The following SYNJ1 variants were observed in gnomAD, a reference collection of about 807,000 sequenced individuals.
SYNJ1 encodes the protein polyphosphatidylinositol phosphatase SYNJ1.
In SYNJ1, 78 loss-of-function variants were observed where a neutral mutation model predicts 168.2. That is an observed-to-expected ratio of 0.46 (90% confidence interval 0.39 to 0.56). The LOEUF is 0.56. Ranked by LOEUF, SYNJ1 falls within the 20% of genes least tolerant of loss-of-function variation. The probability of loss-of-function intolerance (pLI) is 0.00; values close to 1 mark genes in which losing one functional copy is unlikely to be tolerated. For missense variants in SYNJ1, 1,303 were observed against 1,597.6 expected, an observed-to-expected ratio of 0.82 and a Z score of 3.14; for synonymous variants, 539 against 548.6, an observed-to-expected ratio of 0.98 and a Z score of 0.24.
In SYNJ1 at chr21:32,700,043, CT is replaced by C; in HGVS notation, c.273del (p.Glu92AsnfsTer32). ...GAAGTAACTCGGAAAACTTCAGATTCTTGAATTTTTCCAACAGACATACATC... is the reference window on the plus strand; with the variant it reads ...GAAGTAACTCGGAAAACTTCAGATTCTGAATTTTTCCAACAGACATACATC... ...VTGCMSVGKI[Q>X]ESEVFRVTST... On this transcript the variant is annotated frameshift_variant, in exon 4 of 33. Coordinates refer to ENST00000674351, the MANE Select transcript of SYNJ1 (RefSeq NM_203446.3). LOFTEE classifies it high-confidence loss of function. The C allele has an allele frequency of 6.2e-7, 1 of 1,614,142 alleles. No individual in the cohort carries two copies. The highest frequency in any genetic ancestry group is 8.5e-7 in the Non-Finnish European group (1 of 1,180,032).
intron 18 of SYNJ1, among the ~76,000 whole-genome samples, chr21:32,664,655 C>A (rs531001029): frequency 5.3e-5 from 8 of 152,052 alleles, no homozygotes; most frequent in Non-Finnish European, 7.3e-5. Context: ...TCGGGGAGCT[C>A]GGTTTTTGGA....
At chr21:32,713,589 T>C (rs377480065) in intron 2 of SYNJ1, among the ~76,000 whole-genome samples, 1 of 147,282 alleles carries the variant, frequency 6.8e-6, no homozygotes, top group East Asian at 2.0e-4. Flanking sequence ...TTCCCATATG[T>C]CAACATGGAT....
At chr21:32,683,968 CA>C in intron 10 of SYNJ1, 69 bp downstream of exon 10, 2 of 1,296,818 alleles carry the variant, frequency 1.5e-6, no homozygotes, top group East Asian at 4.7e-5. Context: ...TAATAAGAAA[CA>C]TAAGTATTCA....
intron 29 of SYNJ1, among the ~76,000 whole-genome samples, chr21:32,641,235 G>C (rs901549642): frequency 1.3e-5 from 2 of 152,124 alleles, no homozygotes; most frequent in East Asian, 3.8e-4. Context: ...GCTCCTACTG[G>C]ACTAGCCTAA....
chr21:32,716,185 A>G (rs771569215), intron 2 of SYNJ1, among the ~76,000 whole-genome samples: 1 of 152,246 alleles, frequency 6.6e-6, no homozygotes, highest in Non-Finnish European at 1.5e-5. Flanking sequence ...TACTCTAACA[A>G]GGCTAAACAA....
intron 2 of SYNJ1, among the ~76,000 whole-genome samples, chr21:32,702,978 G>T (rs2042464509): frequency 1.3e-5 from 2 of 152,238 alleles, no homozygotes; most frequent in South Asian, 4.1e-4. Context: ...TCAGCCTACT[G>T]CTTTGCCTAA....
At chr21:32,717,870 G>A (rs906677337) in intron 2 of SYNJ1, among the ~76,000 whole-genome samples, 1 of 152,120 alleles carries the variant, frequency 6.6e-6, no homozygotes, top group African/African-American at 2.4e-5. Context: ...TCCCTACTCA[G>A]GAATCCTGTC....
At chr21:32,688,562 C>A (rs1019978892) in intron 6 of SYNJ1, among the ~76,000 whole-genome samples, 195 bp from the exon 7 acceptor site, 2 of 151,922 alleles carry the variant, frequency 1.3e-5, no homozygotes, top group Non-Finnish European at 2.9e-5. Context: ...TTTTAAAAAA[C>A]CAACCTCATC....
At chr21:32,637,384 C>T (rs1474965014) in intron 31 of SYNJ1, among the ~76,000 whole-genome samples, 7 of 150,530 alleles carry the variant, frequency 4.7e-5, no homozygotes, top group East Asian at 1.9e-4. Flanking sequence ...TATATTTTCA[C>T]CATCCTCAAT....
Position 32,645,657 on chromosome 21 carries a change from G to GGAGGT in SYNJ1, c.3375_3379dup (p.Pro1127HisfsTer29). 6.5e-7 allele frequency: 1 copy of GGAGGT among 1,531,702 alleles called. No homozygotes were observed. The highest frequency in any genetic ancestry group is 8.7e-7 in the Non-Finnish European group (1 of 1,145,826). The allele number at this position is 1,531,702 out of a possible 1,614,324, so 94.9% of individuals were successfully genotyped here. Reference sequence around the variant, plus strand: ...TAAAAGGTTGTCACCTGAAGGCGGAGGAGGTCTCTGTGGGGGAGCCGGGCG... The same window carrying GGAGGT: ...TAAAAGGTTGTCACCTGAAGGCGGAGGAGGTGAGGTCTCTGTGGGGGAGCCGGGCG... On this transcript the variant is annotated frameshift_variant, in exon 25 of 33. Transcript: ENST00000674351. LOFTEE classifies it high-confidence loss of function.
chr21:32,653,264 T>A, intron 22 of SYNJ1, 24 bp downstream of exon 22: 1 of 1,580,990 alleles, frequency 6.3e-7, no homozygotes, highest in Non-Finnish European at 8.7e-7. Flanking sequence ...CAGAATGGTT[T>A]AGAATCAACA....
intron 4 of SYNJ1, among the ~76,000 whole-genome samples, chr21:32,696,850 GTGA>G (rs2042230774): frequency 6.6e-6 from 1 of 152,192 alleles, no homozygotes; most frequent in African/African-American, 2.4e-5. Flanking sequence ...ATATAAATGA[GTGA>G]TGATATTACA....
intron 18 of SYNJ1, among the ~76,000 whole-genome samples, chr21:32,662,713 G>A (rs1353858253): frequency 6.6e-6 from 1 of 152,156 alleles, no homozygotes; most frequent in Non-Finnish European, 1.5e-5. Flanking sequence ...AAGTATATTT[G>A]TCATGAATTA....
Position 32,695,049 on chromosome 21 carries a change from A to G in SYNJ1, c.705+8T>C, listed in dbSNP as rs759191433. 1 of 1,612,386 alleles carries G rather than the reference A, an allele frequency of 6.2e-7. No individual in the cohort carries two copies. The highest frequency in any genetic ancestry group is 8.5e-7 in the Non-Finnish European group (1 of 1,178,452). ...AATTAATTAAGTAATATAAAACACTATATATACCTGTTCTGTTTCTACAAA... is the reference window on the plus strand; with the variant it reads ...AATTAATTAAGTAATATAAAACACTGTATATACCTGTTCTGTTTCTACAAA... On this transcript the variant is annotated splice_region_variant and intron_variant, in intron 5 of 32. Transcript: ENST00000674351.
At chr21:32,637,475 C>T (rs1381438961) in intron 31 of SYNJ1, among the ~76,000 whole-genome samples, 1 of 136,288 alleles carries the variant, frequency 7.3e-6, no homozygotes, top group Admixed American at 8.4e-5. Context: ...GTGGTGCGAT[C>T]TCAGCTCACT....
chr21:32,676,475 ATTT>A (rs1244295684), intron 12 of SYNJ1, 120 bp from the exon 13 acceptor site: 15 of 873,512 alleles, frequency 1.7e-5, no homozygotes, highest in Non-Finnish European at 2.5e-5. Flanking sequence ...TGATGACTTT[ATTT>A]TTTTCTGATA....
At chr21:32,711,237 T>C (rs1343482840) in intron 2 of SYNJ1, among the ~76,000 whole-genome samples, 2 of 152,186 alleles carry the variant, frequency 1.3e-5, no homozygotes, top group African/African-American at 4.8e-5. Context: ...ACTCAGAGTA[T>C]AAATATATCA....
chr21:32,682,988 A>G (rs1014704461), intron 10 of SYNJ1, among the ~76,000 whole-genome samples: 13 of 152,154 alleles, frequency 8.5e-5, no homozygotes, highest in Non-Finnish European at 1.6e-4. Context: ...CCAAACAGTA[A>G]AATTTATTTA....
At chr21:32,717,794 C>T (rs2043077756) in intron 2 of SYNJ1, among the ~76,000 whole-genome samples, 1 of 152,206 alleles carries the variant, frequency 6.6e-6, no homozygotes, top group Admixed American at 6.5e-5. Context: ...CTCTGGAGCT[C>T]TTTGTGCAAC....
Sources: allele counts gnomAD v4.1 joint callset (sites outside exome capture counted in the v4.1 genomes callset), GRCh38; gene constraint gnomAD v4.1.1; transcripts MANE v1.5; gene names NCBI Gene and HGNC (gene_info 2026-07-23, HGNC 2026-07-21).